Variants in WIPI1 observed in about 807,000 individuals in gnomAD.
WIPI1 encodes WD repeat domain phosphoinositide-interacting protein 1.
A neutral mutation model predicts 55.3 loss-of-function variants in WIPI1; 45 were observed. The observed-to-expected ratio is 0.81, with a 90% CI of 0.64 to 1.04. WIPI1 has a LOEUF of 1.04. Ranked by LOEUF, WIPI1 falls within the 50% of genes least tolerant of loss-of-function variation. The pLI is 0.00. For missense variants in WIPI1, 445 were observed against 559.0 expected (o/e 0.80, Z 2.06); for synonymous variants, 195 against 217.6 (o/e 0.90, Z 0.92).
chr17:68,423,422 T>C lies in WIPI1; in HGVS notation c.1294-1602A>G, dbSNP rs755014501. Among the ~76,000 whole-genome samples, 5 of 152,200 alleles carry C rather than the reference T, an allele frequency of 3.3e-5. No homozygotes were observed. Among genetic ancestry groups the C allele is most frequent in the Admixed American group, 6.5e-5 (1 of 15,276 alleles). On this transcript the variant is annotated intron_variant, in intron 12 of 12. Transcript: ENST00000262139. The surrounding 1 kb of genome is among the most constrained non-coding windows in gnomAD (Gnocchi z 4.4). Reference sequence around the variant, plus strand: ...GGGAGCACTGCCCCTCATCACCATCTACCTGCAGGCTGGAGGGCAGACTGA... The same window carrying C: ...GGGAGCACTGCCCCTCATCACCATCCACCTGCAGGCTGGAGGGCAGACTGA...
chr17:68,442,681 CA>C (rs2084129758), intron 4 of WIPI1, among the ~76,000 whole-genome samples: 1 of 152,174 alleles, frequency 6.6e-6, no homozygotes, highest in East Asian at 1.9e-4. Flanking sequence ...AGGCCCAGCT[CA>C]GGCCCTGCCA....
At chr17:68,434,872 A>G (rs777563158) in intron 6 of WIPI1, among the ~76,000 whole-genome samples, 10 of 152,090 alleles carry the variant, frequency 6.6e-5, no homozygotes, top group Non-Finnish European at 1.0e-4. Context: ...GTGTGTGTGC[A>G]TGTGTGTGTT....
At chr17:68,430,184 G>A (rs1201377099) in intron 8 of WIPI1, 24 bp from the exon 9 acceptor site, 2 of 1,600,332 alleles carry the variant, frequency 1.2e-6, no homozygotes, top group Admixed American at 1.7e-5. Context: ...CACAGGCAAC[G>A]ATGGGACTGG....
At chr17:68,436,775 T>C (rs563873955) in intron 4 of WIPI1, among the ~76,000 whole-genome samples, 1 of 152,078 alleles carries the variant, frequency 6.6e-6, no homozygotes, top group East Asian at 1.9e-4. Flanking sequence ...GGCGGGCGGA[T>C]CACTTGAGGT....
chr17:68,434,622 G>C lies in WIPI1; in HGVS notation c.626C>G (p.Thr209Arg). The change falls in exon 7 of 13, where the codon ACA (threonine) becomes AGA (arginine). Residue 209 changes from threonine (T) to arginine (R), a missense_variant. Physicochemically the swap from Thr to Arg is moderately conservative, Grantham distance 71. Coordinates refer to ENST00000262139, the MANE Select transcript of WIPI1 (RefSeq NM_017983.7). ...AGGGACAGAGAACACCCGGATGACT[G>C]TGCCCTGGAAAAGAAAGCAGGTGGA... Reference protein sequence around the residue: ...SKLASASEKGTVIRVFSVPDG... With the variant: ...SKLASASEKGRVIRVFSVPDG... 6.2e-7 allele frequency: 1 copy of C among 1,613,978 alleles called. No homozygotes were observed. Among genetic ancestry groups the C allele is most frequent in the Non-Finnish European group, 8.5e-7 (1 of 1,179,890 alleles).
At chr17:68,424,813 G>GACC (rs2083050700) in intron 12 of WIPI1, among the ~76,000 whole-genome samples, 1 of 151,822 alleles carries the variant, frequency 6.6e-6, no homozygotes, top group African/African-American at 2.4e-5. Flanking sequence ...GGAGGCAGAG[G>GACC]CTGCAGCGAG....
rs543554467 is a variant in WIPI1, at chr17:68,436,800, A to G, written c.431-321T>C. On this transcript the variant is annotated intron_variant, in intron 4 of 12. Transcript: ENST00000262139. ...TCACTTGAGGTCAGGAGTTCCAGAC[A>G]AGCCTGGCCAACATGGTGAAACCCC... Among the ~76,000 whole-genome samples the G allele has an allele frequency of 2.0e-5, 3 of 152,030 alleles. No homozygotes were observed. The East Asian group carries it at 5.8e-4, about 29-fold the overall frequency.
chr17:68,444,937 T>TTTG (rs2084223179), intron 3 of WIPI1, among the ~76,000 whole-genome samples: 1 of 102,270 alleles, frequency 9.8e-6, no homozygotes, highest in South Asian at 3.2e-4. Flanking sequence ...TTTTTTTTTT[T>TTTG]TGAGAAGGAG....
intron 8 of WIPI1, among the ~76,000 whole-genome samples, chr17:68,433,144 T>C (rs1273610282): frequency 2.0e-5 from 3 of 152,250 alleles, no homozygotes; most frequent in Admixed American, 2.0e-4. Context: ...ACACTTTAGA[T>C]CTGCAGACTC....
chr17:68,437,564 AAAAG>A (rs2083873259), intron 4 of WIPI1, among the ~76,000 whole-genome samples: 1 of 152,138 alleles, frequency 6.6e-6, no homozygotes, highest in African/African-American at 2.4e-5. Context: ...GAAAAAAAAA[AAAAG>A]AAACCGAGCA....
Position 68,421,458 on chromosome 17 carries a change from T to C in WIPI1, c.*315A>G. 1 of 356,970 alleles carries C rather than the reference T, an allele frequency of 2.8e-6. No homozygotes were observed. Among genetic ancestry groups the C allele is most frequent in the Non-Finnish European group, 5.3e-6 (1 of 190,428 alleles). 22.1% of individuals were successfully genotyped at this position (356,970 alleles called of 1,614,324 possible). A position where few individuals can be genotyped will look rare whatever the true frequency, so the allele number is the denominator to read the frequency against. The stretch of plus-strand genomic sequence containing the variant: ...CTATAAGTACATTTTTTACACGGCA[T>C]ATATTTAAAAAGGAGGCCCCTTTTA... On this transcript the variant is annotated 3_prime_UTR_variant, in exon 13 of 13. Coordinates refer to ENST00000262139, the MANE Select transcript of WIPI1 (RefSeq NM_017983.7).
rs1259824548 is a variant in WIPI1 at position 68,429,007 on chromosome 17, G to GC, written c.966-72dup. 7.6e-6 allele frequency: 9 copies of GC among 1,177,452 alleles called. 1 individual carries two copies. The South Asian group carries it at 9.0e-5, about 12-fold the overall frequency. 72.9% of individuals were successfully genotyped at this position (1,177,452 alleles called of 1,614,324 possible). On this transcript the variant is annotated intron_variant, in intron 9 of 12. Coordinates refer to ENST00000262139, the MANE Select transcript of WIPI1 (RefSeq NM_017983.7). ...CGATGGATTCGCTTCCAATGACAAA[G>GC]CCCCCCTCACCCTAGCTGTCACCAG...
intron 6 of WIPI1, among the ~76,000 whole-genome samples, chr17:68,435,266 C>T (rs2083729807): frequency 6.6e-6 from 1 of 151,688 alleles, no homozygotes; most frequent in Non-Finnish European, 1.5e-5. Context: ...CAGAAGACAT[C>T]AATTTCTCTA....
intron 8 of WIPI1, 80 bp downstream of exon 8, chr17:68,433,388 G>T: frequency 1.6e-6 from 2 of 1,265,344 alleles, no homozygotes; most frequent in East Asian, 2.3e-5. Context: ...AGAAAGAAAA[G>T]AGATCATTCA....
At chr17:68,449,572 G>A (rs1165310675) in intron 3 of WIPI1, among the ~76,000 whole-genome samples, 1 of 152,176 alleles carries the variant, frequency 6.6e-6, no homozygotes, top group African/African-American at 2.4e-5. Flanking sequence ...ACCATAGAGT[G>A]AGTGAGTTCT....
At chr17:68,450,976 G>C in intron 2 of WIPI1, 79 bp from the exon 3 acceptor site, 1 of 1,516,534 alleles carries the variant, frequency 6.6e-7, no homozygotes, top group African/African-American at 1.4e-5. Flanking sequence ...CACTGGGCCC[G>C]GCGCAGGCCA....
At chr17:68,455,871 T>C (rs1489698305) in intron 1 of WIPI1, among the ~76,000 whole-genome samples, 1 of 152,216 alleles carries the variant, frequency 6.6e-6, no homozygotes, top group Non-Finnish European at 1.5e-5. Flanking sequence ...TAACCCCCTT[T>C]CTTAACTTGT....
intron 6 of WIPI1, among the ~76,000 whole-genome samples, chr17:68,434,886 C>T (rs531555785): frequency 6.6e-6 from 1 of 151,904 alleles, no homozygotes; most frequent in Admixed American, 6.5e-5. Context: ...GTGTGTTCAC[C>T]CAACTGCTCT....
chr17:68,454,202 G>T (rs899903126), intron 1 of WIPI1, among the ~76,000 whole-genome samples: 2 of 152,204 alleles, frequency 1.3e-5, no homozygotes, highest in Non-Finnish European at 2.9e-5. Context: ...TCCTCACCCA[G>T]CTCTTTCCAG....
Sources: gnomAD v4.1 joint callset for allele counts (sites outside exome capture counted in the v4.1 genomes callset) on GRCh38, gnomAD v4.1.1 for gene constraint, Gnocchi (gnomAD v3.1) non-coding constraint, MANE v1.5 for transcripts, NCBI Gene and HGNC (gene_info 2026-07-23, HGNC 2026-07-21) for gene names.